The following UNC79 variants were observed in gnomAD, a reference collection of about 807,000 sequenced individuals.
The protein encoded by UNC79 is unc-79 subunit of NALCN channel complex, also known as protein unc-79 homolog.
In UNC79, 37 loss-of-function variants were observed where a neutral mutation model predicts 283.1. The observed-to-expected ratio is 0.13, with a 90% CI of 0.10 to 0.17. The LOEUF (loss-of-function observed/expected upper bound fraction) is 0.17. Ranked by LOEUF, UNC79 falls within the 10% of genes least tolerant of loss-of-function variation. UNC79 has a pLI of 1.00. For missense variants in UNC79, 2,272 were observed against 3,211.1 expected (o/e 0.71, Z 7.07); for synonymous variants, 1,107 against 1,200.2 (o/e 0.92, Z 1.61).
chr14:93,487,677 A>C, exon 5 of UNC79: 1 of 1,613,886 alleles, frequency 6.2e-7, no homozygotes, highest in Non-Finnish European at 8.5e-7. Flanking sequence ...CTCCTCAAGG[A>C]GAGAAGGTGT....
intron 1 of UNC79, among the ~76,000 whole-genome samples, chr14:93,454,676 T>G (rs2056748171): frequency 1.3e-5 from 2 of 152,208 alleles, no homozygotes; most frequent in African/African-American, 2.4e-5. Flanking sequence ...TTTAGAATTA[T>G]TATTGTGATT....
At chr14:93,491,177 G>C (rs1210045481) in intron 5 of UNC79, among the ~76,000 whole-genome samples, 2 of 151,930 alleles carry the variant, frequency 1.3e-5, no homozygotes, top group Non-Finnish European at 2.9e-5. Context: ...CCTCCTAAAG[G>C]CTCCACATCC....
chr14:93,640,249 C>T (rs567992704), intron 32 of UNC79, among the ~76,000 whole-genome samples: 1 of 152,282 alleles, frequency 6.6e-6, no homozygotes, highest in East Asian at 1.9e-4. Flanking sequence ...GTTTTAAACA[C>T]CGTGGTATCG....
chr14:93,431,031 T>C, exon 1 of UNC79: 1 of 701,282 alleles, frequency 1.4e-6, no homozygotes. Flanking sequence ...GACAGCACCA[T>C]GTCCACCAAA....
intron 1 of UNC79, among the ~76,000 whole-genome samples, chr14:93,339,231 A>G (rs2053647154): frequency 2.0e-5 from 3 of 152,214 alleles, no homozygotes; most frequent in Non-Finnish European, 4.4e-5. Flanking sequence ...ACCCTTTACT[A>G]TCAGCCCTCA....
At chr14:93,529,350 G>T (rs1567056708) in intron 10 of UNC79, 24 bp downstream of exon 10, 1 of 1,612,738 alleles carries the variant, frequency 6.2e-7, no homozygotes, top group South Asian at 1.1e-5. Flanking sequence ...AGGAAAGGAT[G>T]AATAATGAGT....
At chr14:93,551,031 A>T (rs868018424) in intron 14 of UNC79, among the ~76,000 whole-genome samples, 1 of 151,588 alleles carries the variant, frequency 6.6e-6, no homozygotes, top group African/African-American at 2.4e-5. Context: ...TTTTTATTTT[A>T]TTATTTATTT....
At position 93,496,672 on chromosome 14, in the gene UNC79, C is replaced by T. The variant is rs118025701; in HGVS notation, c.768+206C>T. Among the ~76,000 whole-genome samples the T allele has an allele frequency of 3.5e-3, 526 of 152,078 alleles. 9 individuals carry two copies. The South Asian group carries it at 0.05, about 14-fold the overall frequency. ...GTACTTTAAGAACATCGTGTCTTGACGGATAAAGTAATTGAATGTATCTTA... is the reference window on the plus strand; with the variant it reads ...GTACTTTAAGAACATCGTGTCTTGATGGATAAAGTAATTGAATGTATCTTA... On this transcript the variant is annotated intron_variant, in intron 6 of 48. Transcript: ENST00000555664.
At chr14:93,483,687 C>A (rs1168277490) in intron 4 of UNC79, among the ~76,000 whole-genome samples, 1 of 149,576 alleles carries the variant, frequency 6.7e-6, no homozygotes, top group African/African-American at 2.5e-5. Context: ...CCCCCCTCCC[C>A]CAACCCCACG....
At chr14:93,596,999 A>G (rs561959912) in intron 23 of UNC79, among the ~76,000 whole-genome samples, 2 of 152,350 alleles carry the variant, frequency 1.3e-5, no homozygotes, top group African/African-American at 4.8e-5. Context: ...CAGAGCTTCT[A>G]TGGAATGGCC....
chr14:93,463,448 C>CAGG (rs2057035444), intron 1 of UNC79, among the ~76,000 whole-genome samples: 1 of 152,036 alleles, frequency 6.6e-6, no homozygotes, highest in Non-Finnish European at 1.5e-5. Context: ...AATGGAAAGG[C>CAGG]AGGAGAGAGG....
intron 14 of UNC79, among the ~76,000 whole-genome samples, chr14:93,565,158 C>T (rs2062800324): frequency 6.6e-6 from 1 of 152,212 alleles, no homozygotes; most frequent in Non-Finnish European, 1.5e-5. Context: ...AGTCCCTCCC[C>T]CGGTTCCTGT....
chr14:93,585,595 G>C (rs2064163597), intron 20 of UNC79, among the ~76,000 whole-genome samples: 1 of 152,200 alleles, frequency 6.6e-6, no homozygotes, highest in African/African-American at 2.4e-5. Flanking sequence ...CGTTGCCTCT[G>C]ATCCTAGGGA....
intron 35 of UNC79, among the ~76,000 whole-genome samples, chr14:93,647,746 C>T (rs1228654354): frequency 6.6e-6 from 1 of 152,156 alleles, no homozygotes; most frequent in Non-Finnish European, 1.5e-5. Flanking sequence ...TGCATTAGTC[C>T]ACTTTCACAC....
chr14:93,464,678 G>A (rs1257550823), intron 1 of UNC79: 3 of 442,496 alleles, frequency 6.8e-6, no homozygotes, highest in African/African-American at 6.1e-5. Context: ...AGAAGAAGGA[G>A]CTTACTAGAG....
intron 1 of UNC79, among the ~76,000 whole-genome samples, chr14:93,399,765 G>A (rs902939503): frequency 2.6e-5 from 4 of 152,136 alleles, no homozygotes; most frequent in Non-Finnish European, 4.4e-5. Context: ...TTTATTGTGA[G>A]GGAAGTTCAG....
intron 1 of UNC79, among the ~76,000 whole-genome samples, chr14:93,390,901 A>T (rs960153049): frequency 3.9e-5 from 6 of 152,162 alleles, no homozygotes; most frequent in Non-Finnish European, 7.4e-5. Context: ...CTGTAGATTT[A>T]AAAAAATCCC....
chr14:93,350,841 T>C (rs975063941), intron 1 of UNC79, among the ~76,000 whole-genome samples: 7 of 150,232 alleles, frequency 4.7e-5, no homozygotes, highest in Non-Finnish European at 8.8e-5. Flanking sequence ...TTGCCTCTAG[T>C]TCCAGCTGTT....
At chr14:93,516,417 T>C (rs2140914903) in intron 7 of UNC79, among the ~76,000 whole-genome samples, 1 of 137,698 alleles carries the variant, frequency 7.3e-6, no homozygotes, top group Admixed American at 8.1e-5. Context: ...CAGTTTGTAA[T>C]TTCTACAAAA....
Sources: gnomAD v4.1 joint callset for allele counts (sites outside exome capture counted in the v4.1 genomes callset) on GRCh38, gnomAD v4.1.1 for gene constraint, MANE v1.5 for transcripts, NCBI Gene and HGNC (gene_info 2026-07-23, HGNC 2026-07-21) for gene names.